Variants in RYR3 observed in about 807,000 individuals in gnomAD.
The protein encoded by RYR3 is brain ryanodine receptor-calcium release channel.
Under a neutral mutation model 584.3 loss-of-function variants are expected in RYR3, and 207 were observed. The observed-to-expected ratio is 0.35, with a 90% confidence interval of 0.32 to 0.40. The LOEUF (loss-of-function observed/expected upper bound fraction) is 0.40. Ranked by LOEUF, RYR3 falls within the 10% of genes least tolerant of loss-of-function variation. The pLI is 1.00. For missense variants in RYR3, 5,616 were observed against 6,089.2 expected, an observed-to-expected ratio of 0.92 and a Z score of 2.59; for synonymous variants, 2,416 against 2,248.5, an observed-to-expected ratio of 1.07 and a Z score of -2.11.
rs1011348284 is a variant in RYR3, at chr15:33,605,374, C to T, written c.2164+2010C>T. Among the ~76,000 whole-genome samples, 9 of 152,310 alleles carry T rather than the reference C, an allele frequency of 5.9e-5. No individual in the cohort carries two copies. The East Asian group carries it at 1.7e-3, about 29-fold the overall frequency. ...CCATCCTCTCCCTCATCCCTCCTGT[C>T]TCCTCTGAAGGCAAGGAAGCTGGGT... On this transcript the variant is annotated intron_variant, in intron 18 of 103. Transcript: ENST00000634891.
chr15:33,510,914 A>T (rs1253904533), intron 3 of RYR3, among the ~76,000 whole-genome samples: 1 of 152,152 alleles, frequency 6.6e-6, no homozygotes, highest in African/African-American at 2.4e-5. Flanking sequence ...GCTGATATTT[A>T]TGAAGATATG....
rs1039531952 is a variant in RYR3, at chr15:33,566,673, G to A, written c.1147-5G>A. ...TAGAGCTCCCGTCCCTTGCCCTGTG[G>A]GTAGGTCATACTCCATCAGGAAGGC... is the stretch of plus-strand genomic sequence containing the variant. On this transcript the variant is annotated splice_region_variant and splice_polypyrimidine_tract_variant and intron_variant, in intron 11 of 103. Coordinates refer to ENST00000634891, the MANE Select transcript of RYR3 (RefSeq NM_001036.6). 1 of 1,613,606 alleles carries A rather than the reference G, an allele frequency of 6.2e-7. No homozygotes were observed. Among genetic ancestry groups the A allele is most frequent in the Non-Finnish European group, 8.5e-7 (1 of 1,179,600 alleles).
rs1217848781 is a variant in RYR3 at position 33,312,899 on chromosome 15, G to A, written c.51+1803G>A. On this transcript the variant is annotated intron_variant, in intron 1 of 103. Transcript: ENST00000634891. ...TTGTTTTTGGTACACCTGTAGCCAA[G>A]GTTTACTATAGTAGTGGTTCTTAAG... Among the ~76,000 whole-genome samples the A allele has an allele frequency of 2.0e-5, 3 of 152,288 alleles. No homozygotes were observed. In the East Asian group the frequency reaches 5.8e-4, roughly 29 times the overall value.
At position 33,750,047 on chromosome 15, in the gene RYR3, G is replaced by A; in HGVS notation, c.8268G>A (p.Glu2756=). 6.2e-7 allele frequency: 1 copy of A among 1,611,586 alleles called. No homozygotes were observed. The highest frequency in any genetic ancestry group is 8.5e-7 in the Non-Finnish European group (1 of 1,178,998). Reference sequence around the variant, plus strand: ...CCAAGAAGAAGAAGCTGGAGCTGGAGAGCAAAGGTGAGTGAGGTTCACAGC... The same window carrying A: ...CCAAGAAGAAGAAGCTGGAGCTGGAAAGCAAAGGTGAGTGAGGTTCACAGC... ...IWAKKKKLEL[E]SKGGGSHPLL... is the part of the protein sequence containing the mutation. Residue 2756 remains glutamate, a synonymous_variant, in exon 56 of 104, where the codon GAG becomes GAA. Transcript: ENST00000634891.
At chr15:33,671,208 T>C (rs898872653) in intron 38 of RYR3, among the ~76,000 whole-genome samples, 49 of 152,192 alleles carry the variant, frequency 3.2e-4, no homozygotes, top group African/African-American at 1.1e-3. Context: ...CTCTAGGACA[T>C]GAAATTTCAA....
chr15:33,458,227 A>G (rs2047725363), intron 1 of RYR3, among the ~76,000 whole-genome samples: 2 of 152,134 alleles, frequency 1.3e-5, no homozygotes, highest in African/African-American at 4.8e-5. Flanking sequence ...GAGGAGATCA[A>G]TTACACTTTG....
chr15:33,464,434 T>A (rs2048282698), intron 1 of RYR3, among the ~76,000 whole-genome samples: 1 of 127,548 alleles, frequency 7.8e-6, no homozygotes, highest in African/African-American at 3.0e-5. Flanking sequence ...AGCAAAAGAG[T>A]TACAGAAGAG....
intron 32 of RYR3, among the ~76,000 whole-genome samples, chr15:33,653,210 T>C (rs2062597147): frequency 6.6e-6 from 1 of 152,242 alleles, no homozygotes; most frequent in Non-Finnish European, 1.5e-5. Context: ...ATCTATTACC[T>C]GCACTATACA....
intron 72 of RYR3, among the ~76,000 whole-genome samples, chr15:33,811,556 T>G (rs1021366809): frequency 6.6e-5 from 10 of 150,878 alleles, no homozygotes; most frequent in Non-Finnish European, 1.5e-4. Context: ...TTAATGTATG[T>G]TTGTTTGTTT....
intron 76 of RYR3, among the ~76,000 whole-genome samples, chr15:33,819,141 C>G (rs373622617): frequency 6.6e-6 from 1 of 151,862 alleles, no homozygotes; most frequent in East Asian, 1.9e-4. Flanking sequence ...AAAGACATGT[C>G]TAGGGAAACT....
At chr15:33,782,658 A>C (rs973004993) in intron 65 of RYR3, among the ~76,000 whole-genome samples, 6 of 152,334 alleles carry the variant, frequency 3.9e-5, no homozygotes, top group South Asian at 2.1e-4. Context: ...GGAGGAATGT[A>C]TAAGGTGACA....
intron 38 of RYR3, among the ~76,000 whole-genome samples, chr15:33,695,752 C>A (rs901677793): frequency 3.3e-5 from 5 of 151,848 alleles, no homozygotes; most frequent in African/African-American, 1.2e-4. Context: ...TATTCTACTT[C>A]TGTGCATGTC....
intron 94 of RYR3, chr15:33,849,588 C>T (rs1391913751): frequency 1.3e-5 from 2 of 152,302 alleles, no homozygotes; most frequent in South Asian, 2.1e-4. Context: ...ACAGTTGATT[C>T]ACAAGTAAGT....
At chr15:33,843,450 C>G in intron 91 of RYR3, 38 bp from the exon 92 acceptor site, 2 of 1,443,628 alleles carry the variant, frequency 1.4e-6, no homozygotes, top group Non-Finnish European at 1.9e-6. Context: ...CTTTTCCTTC[C>G]AAAGCTCTTC....
chr15:33,500,468 G>A (rs990320037), intron 2 of RYR3, among the ~76,000 whole-genome samples: 5 of 152,172 alleles, frequency 3.3e-5, no homozygotes, highest in Admixed American at 2.6e-4. Flanking sequence ...GCCTCCTACT[G>A]TTTTCCACAT....
chr15:33,550,131 G>C (rs370876555), intron 9 of RYR3, 29 bp from the exon 10 acceptor site: 1 of 1,603,964 alleles, frequency 6.2e-7, no homozygotes, highest in African/African-American at 1.3e-5. Flanking sequence ...TTGTATAAAT[G>C]CAATTTCTTG....
intron 1 of RYR3, among the ~76,000 whole-genome samples, chr15:33,423,056 T>C (rs780203871): frequency 2.6e-4 from 39 of 152,324 alleles, no homozygotes; most frequent in Admixed American, 3.9e-4. Flanking sequence ...TAAAATTCAG[T>C]GGTAATAAGT....
intron 4 of RYR3, among the ~76,000 whole-genome samples, chr15:33,531,397 A>G (rs947857209): frequency 6.6e-6 from 1 of 151,954 alleles, no homozygotes; most frequent in Non-Finnish European, 1.5e-5. Context: ...TATTAAGGAG[A>G]ATATTATTAC....
intron 1 of RYR3, among the ~76,000 whole-genome samples, chr15:33,419,406 G>C (rs909919288): frequency 6.6e-6 from 1 of 152,250 alleles, no homozygotes; most frequent in African/African-American, 2.4e-5. Flanking sequence ...TTGGCTTTTG[G>C]AGGTGCATTG....
Sources: gnomAD v4.1 joint callset for allele counts (sites outside exome capture counted in the v4.1 genomes callset) on GRCh38, gnomAD v4.1.1 for gene constraint, MANE v1.5 for transcripts, NCBI Gene and HGNC (gene_info 2026-07-23, HGNC 2026-07-21) for gene names.